Variants in CTNNA3 observed in about 807,000 individuals in gnomAD.
CTNNA3 encodes the protein catenin alpha 3.
A neutral mutation model predicts 95.7 loss-of-function variants in CTNNA3; 76 were observed. The observed-to-expected ratio is 0.79, with a 90% CI of 0.66 to 0.96. The LOEUF (loss-of-function observed/expected upper bound fraction) is 0.96. Ranked by LOEUF, CTNNA3 falls within the 40% of genes least tolerant of loss-of-function variation. CTNNA3 has a pLI of 0.00. For synonymous variants in CTNNA3, 431 were observed against 374.4 expected (o/e 1.15, Z -1.74); for missense variants, 1,191 against 1,089.8 (o/e 1.09, Z -1.31).
intron 14 of CTNNA3, among the ~76,000 whole-genome samples, chr10:66,079,460 G>A (rs1277796768): frequency 4.6e-5 from 7 of 151,742 alleles, no homozygotes; most frequent in African/African-American, 1.4e-4. Flanking sequence ...ATACCTCCTA[G>A]TTTTATATGT....
intron 7 of CTNNA3, among the ~76,000 whole-genome samples, chr10:67,115,695 G>T (rs1358009021): frequency 1.3e-5 from 2 of 151,704 alleles, no homozygotes; most frequent in African/African-American, 4.8e-5. Flanking sequence ...TAAATAAACA[G>T]ATTTACACCA....
intron 3 of CTNNA3, among the ~76,000 whole-genome samples, chr10:67,587,336 A>G (rs983031793): frequency 3.3e-5 from 5 of 151,874 alleles, no homozygotes; most frequent in Non-Finnish European, 7.4e-5. Context: ...CTGGGATCAT[A>G]GATTGGAGCC....
At chr10:67,379,893 C>T (rs1429274311) in intron 5 of CTNNA3, among the ~76,000 whole-genome samples, 8 of 150,288 alleles carry the variant, frequency 5.3e-5, no homozygotes, top group African/African-American at 1.9e-4. Context: ...TAGTGGCGGG[C>T]GCCTGTAGTC....
chr10:66,051,008 C>T (rs1489427542), intron 15 of CTNNA3, among the ~76,000 whole-genome samples: 1 of 152,070 alleles, frequency 6.6e-6, no homozygotes, highest in Non-Finnish European at 1.5e-5. Context: ...TGTGGGCTAC[C>T]ATGCCCAGCT....
At chr10:67,759,825 A>G (rs1671108715) in intron 1 of CTNNA3, among the ~76,000 whole-genome samples, 1 of 152,142 alleles carries the variant, frequency 6.6e-6, no homozygotes, top group South Asian at 2.1e-4. Context: ...ACTGACAACC[A>G]GCAAGTCTTA....
Position 67,620,919 on chromosome 10 carries a change from G to GTA in CTNNA3, c.100-13871_100-13870insTA, listed in dbSNP as rs1488628629. Reference sequence around the variant, plus strand: ...TATATGTATATGTGTGTGTGTGTGTGTGTGTATATATATATATATATATAT... The same window carrying GTA: ...TATATGTATATGTGTGTGTGTGTGTGTATGTGTATATATATATATATATATAT... On this transcript the variant is annotated intron_variant, in intron 2 of 17. Transcript: ENST00000433211. Among the ~76,000 whole-genome samples, 244 of 100,106 alleles carry GTA rather than the reference G, an allele frequency of 2.4e-3. 3 individuals carry two copies. The highest frequency in any genetic ancestry group is 0.01 in the African/African-American group (229 of 22,126). 65.7% of individuals were successfully genotyped at this position (100,106 alleles called of 152,430 possible). A position where few individuals can be genotyped will look rare whatever the true frequency, so the allele number is the denominator to read the frequency against.
chr10:66,500,883 T>C (rs116779398), intron 11 of CTNNA3, among the ~76,000 whole-genome samples: 1,617 of 152,234 alleles, frequency 0.011, 31 homozygotes, highest in African/African-American at 0.037. Context: ...ATTTTAAAAT[T>C]AATATTTATA....
chr10:66,736,824 G>A (rs1184060679), intron 9 of CTNNA3, among the ~76,000 whole-genome samples: 1 of 152,006 alleles, frequency 6.6e-6, no homozygotes, highest in Non-Finnish European at 1.5e-5. Flanking sequence ...TTTTCAAATA[G>A]ATTTAGGTTG....
chr10:67,347,106 G>T (rs534902213), intron 5 of CTNNA3, among the ~76,000 whole-genome samples: 6 of 150,668 alleles, frequency 4.0e-5, no homozygotes, highest in African/African-American at 1.5e-4. Flanking sequence ...CTGTCTCCCA[G>T]GCTAGAGATC....
intron 7 of CTNNA3, among the ~76,000 whole-genome samples, chr10:66,863,783 T>C (rs1365230414): frequency 6.6e-6 from 1 of 152,094 alleles, no homozygotes; most frequent in African/African-American, 2.4e-5. Flanking sequence ...ACAGGGTGTC[T>C]AATTGTGTCA....
chr10:66,928,228 A>G (rs777348396), intron 7 of CTNNA3: 3 of 1,614,114 alleles, frequency 1.9e-6, no homozygotes, highest in Admixed American at 1.7e-5. Context: ...CCTGCTGGTT[A>G]TCTACGTGTC....
intron 7 of CTNNA3, among the ~76,000 whole-genome samples, chr10:67,114,913 A>G (rs1859094284): frequency 6.6e-6 from 1 of 152,122 alleles, no homozygotes; most frequent in African/African-American, 2.4e-5. Flanking sequence ...GCTTTGGGTC[A>G]ACCCTGATCA....
Position 66,983,483 on chromosome 10 carries a change from CAGA to C in CTNNA3, c.1047+196831_1047+196833del, listed in dbSNP as rs560144873. ...CCCACCTAACCAAGGATATAAAATA[CAGA>C]AGGACTGCATTTGTGATTGTGGTTC... On this transcript the variant is annotated intron_variant, in intron 7 of 17. Coordinates refer to ENST00000433211, the MANE Select transcript of CTNNA3 (RefSeq NM_013266.4). Among the ~76,000 whole-genome samples, 15 of 152,284 alleles carry C rather than the reference CAGA, an allele frequency of 9.9e-5. No individual in the cohort carries two copies. In the South Asian group the frequency reaches 2.5e-3, roughly 25 times the overall value.
At chr10:66,852,040 G>A (rs921427510) in intron 7 of CTNNA3, among the ~76,000 whole-genome samples, 4 of 152,050 alleles carry the variant, frequency 2.6e-5, no homozygotes, top group African/African-American at 9.7e-5. Context: ...TCCAAGCCAA[G>A]GTGGAGCCCA....
intron 10 of CTNNA3, among the ~76,000 whole-genome samples, chr10:66,570,872 GA>G (rs1333031937): frequency 3.9e-5 from 6 of 152,048 alleles, no homozygotes; most frequent in Admixed American, 3.9e-4. Flanking sequence ...AAATATCTGT[GA>G]GCATACATTT....
At chr10:67,582,369 TTGAG>T (rs1219486032) in intron 3 of CTNNA3, among the ~76,000 whole-genome samples, 1 of 130,392 alleles carries the variant, frequency 7.7e-6, no homozygotes, top group Non-Finnish European at 1.6e-5. Context: ...CTGAGCAGTT[TTGAG>T]TGAGTGTCTT....
intron 7 of CTNNA3, among the ~76,000 whole-genome samples, chr10:66,990,489 A>G (rs1482074005): frequency 1.3e-5 from 2 of 152,180 alleles, no homozygotes; most frequent in African/African-American, 2.4e-5. Context: ...GACGGAACCT[A>G]TTTAGATTTT....
At chr10:66,843,380 T>C (rs2132354358) in intron 7 of CTNNA3, among the ~76,000 whole-genome samples, 1 of 152,272 alleles carries the variant, frequency 6.6e-6, no homozygotes, top group South Asian at 2.1e-4. Flanking sequence ...TGTAAAGGCA[T>C]CCAGGTATAA....
chr10:66,704,767 C>T (rs1848063932), intron 9 of CTNNA3, among the ~76,000 whole-genome samples: 1 of 152,124 alleles, frequency 6.6e-6, no homozygotes, highest in Non-Finnish European at 1.5e-5. Context: ...CTTGGATTTT[C>T]ACATTAGCAA....
Sources: allele counts gnomAD v4.1 joint callset (sites outside exome capture counted in the v4.1 genomes callset), GRCh38; gene constraint gnomAD v4.1.1; transcripts MANE v1.5; gene names NCBI Gene and HGNC (gene_info 2026-07-23, HGNC 2026-07-21).